TTC39B: variants seen among roughly 807,000 people sequenced by gnomAD.
The protein encoded by TTC39B is tetratricopeptide repeat domain 39B, also known as tetratricopeptide repeat protein 39B.
Under a neutral mutation model 96.6 loss-of-function variants are expected in TTC39B, and 92 were observed. The observed-to-expected ratio is 0.95, with a 90% CI of 0.80 to 1.13. TTC39B has a LOEUF of 1.13. Ranked by LOEUF, TTC39B falls within the 50% of genes most tolerant of loss-of-function variation. TTC39B has a pLI of 0.00. For missense variants in TTC39B, 955 were observed against 809.3 expected (o/e 1.18, Z -2.18); for synonymous variants, 367 against 299.4 (o/e 1.23, Z -2.33).
intron 19 of TTC39B, among the ~76,000 whole-genome samples, chr9:15,173,580 A>C (rs981211266): frequency 6.6e-6 from 1 of 152,256 alleles, no homozygotes; most frequent in Middle Eastern, 3.4e-3. Context: ...GCTTTCCTAG[A>C]TGTCTTCCTA....
chr9:15,199,205 G>A (rs190067568), intron 8 of TTC39B, among the ~76,000 whole-genome samples: 1 of 152,306 alleles, frequency 6.6e-6, no homozygotes, highest in African/African-American at 2.4e-5. Flanking sequence ...ATCTATTGCA[G>A]AAAGTTCTAC....
chr9:15,300,715 G>A lies in TTC39B; in HGVS notation c.240+6369C>T, dbSNP rs912393701. Among the ~76,000 whole-genome samples, 5 of 151,906 alleles carry A rather than the reference G, an allele frequency of 3.3e-5. No individual in the cohort carries two copies. The South Asian group carries it at 8.3e-4, about 25-fold the overall frequency. ...AGCCTGGCCAACATGGCGAAACCCCGTCTCTACTAAAAATACAAAAATTAG... is the reference window on the plus strand; with the variant it reads ...AGCCTGGCCAACATGGCGAAACCCCATCTCTACTAAAAATACAAAAATTAG... On this transcript the variant is annotated intron_variant, in intron 1 of 19. Transcript: ENST00000512701.
chr9:15,211,386 C>A, exon 5 of TTC39B: 1 of 1,554,938 alleles, frequency 6.4e-7, no homozygotes, highest in South Asian at 1.2e-5. Flanking sequence ...ATGGTACATA[C>A]TCTCCTTAGC....
intron 3 of TTC39B, among the ~76,000 whole-genome samples, chr9:15,220,583 C>T (rs1197208500): frequency 6.6e-6 from 1 of 151,732 alleles, no homozygotes; most frequent in African/African-American, 2.4e-5. Flanking sequence ...ATACATAATG[C>T]AATAAAAGGA....
At chr9:15,192,302 T>C (rs1818903263) in intron 9 of TTC39B, among the ~76,000 whole-genome samples, 1 of 152,234 alleles carries the variant, frequency 6.6e-6, no homozygotes, top group South Asian at 2.1e-4. Flanking sequence ...ACAATATTTC[T>C]GCTGTGGAAA....
chr9:15,207,550 C>T lies in TTC39B; in HGVS notation c.691+2538G>A, dbSNP rs148770044. Among the ~76,000 whole-genome samples, 342 of 152,226 alleles carry T rather than the reference C, an allele frequency of 2.2e-3. 1 individual carries two copies. Among genetic ancestry groups the T allele is most frequent in the African/African-American group, 7.7e-3 (319 of 41,534 alleles). On this transcript the variant is annotated intron_variant, in intron 6 of 19. Coordinates refer to ENST00000512701, the Ensembl canonical transcript of TTC39B. ...TAGGGAAAGGCAGATGATCAGTTAA[C>T]CCTACTCTGCTAGGTGGGGAATCCT...
At position 15,188,160 on chromosome 9, in the gene TTC39B, G is replaced by T. The variant is rs189729781; in HGVS notation, c.1234-28C>A. On this transcript the variant is annotated intron_variant, in intron 13 of 19. Transcript: ENST00000512701. The stretch of plus-strand genomic sequence containing the variant: ...GTAAATCAAGTACACAAAGTTGATC[G>T]TCCAGATATTAGACAAGGAGATAAT... 1.5e-3 allele frequency: 2,399 copies of T among 1,554,208 alleles called. 5 individuals are homozygous for T. Among genetic ancestry groups the T allele is most frequent in the Middle Eastern group, 5.5e-3 (32 of 5,798 alleles).
intron 2 of TTC39B, among the ~76,000 whole-genome samples, chr9:15,266,083 C>T (rs994129572): frequency 2.0e-5 from 3 of 152,014 alleles, no homozygotes; most frequent in Admixed American, 1.3e-4. Flanking sequence ...ATAATATATC[C>T]ATATTGATCA....
At chr9:15,174,031 A>G (rs1034526505) in intron 19 of TTC39B, among the ~76,000 whole-genome samples, 4 of 152,274 alleles carry the variant, frequency 2.6e-5, no homozygotes, top group African/African-American at 9.6e-5. Context: ...CTGATGACTG[A>G]TCTCAAGATT....
At chr9:15,219,367 A>T (rs140511631) in intron 3 of TTC39B, among the ~76,000 whole-genome samples, 1 of 152,344 alleles carries the variant, frequency 6.6e-6, no homozygotes, top group African/African-American at 2.4e-5. Context: ...GCACACATAC[A>T]TGGTGACCTG....
intron 4 of TTC39B, 121 bp from the exon 5 acceptor site, chr9:15,211,518 A>T: frequency 1.1e-6 from 1 of 900,622 alleles, no homozygotes; most frequent in Non-Finnish European, 1.5e-6. Flanking sequence ...ATAATCACTG[A>T]AATTATATGG....
rs1563765589 is a variant in TTC39B, at chr9:15,252,964, G to A, written c.275+14950C>T. ...GACAATGCAAAACAGTTATATAAAA[G>A]GAACTTTTCGAAAATTATAAATACC... On this transcript the variant is annotated intron_variant, in intron 2 of 19. Coordinates refer to ENST00000512701, the Ensembl canonical transcript of TTC39B. 7.2e-5 allele frequency among the ~76,000 whole-genome samples: 11 copies of A among 152,210 alleles called. No individual in the cohort carries two copies. The South Asian group carries it at 1.9e-3, about 26-fold the overall frequency.
chr9:15,208,313 A>T (rs542104968), intron 6 of TTC39B, among the ~76,000 whole-genome samples: 2 of 151,908 alleles, frequency 1.3e-5, no homozygotes, highest in African/African-American at 2.4e-5. Flanking sequence ...GTGAGCCACC[A>T]CACCCGGCCA....
chr9:15,227,377 G>A (rs1745970482), intron 2 of TTC39B, among the ~76,000 whole-genome samples: 1 of 150,834 alleles, frequency 6.6e-6, no homozygotes, highest in African/African-American at 2.4e-5. Flanking sequence ...TCCCCCATTG[G>A]AAGTTCAGAC....
At chr9:15,251,147 G>A (rs1446480030) in intron 2 of TTC39B, among the ~76,000 whole-genome samples, 1 of 152,112 alleles carries the variant, frequency 6.6e-6, no homozygotes, top group Non-Finnish European at 1.5e-5. Flanking sequence ...AGTGAGCCAA[G>A]ATTGCGCCAC....
exon 20 of TTC39B, chr9:15,169,159 T>A (rs1275281942): frequency 6.6e-6 from 1 of 152,224 alleles, no homozygotes; most frequent in Non-Finnish European, 1.5e-5. Context: ...TCCTCGGCAC[T>A]GATTAATCTG....
chr9:15,234,681 A>G (rs1182309141), intron 2 of TTC39B, among the ~76,000 whole-genome samples: 1 of 151,890 alleles, frequency 6.6e-6, no homozygotes. Context: ...TTTGTTCTGT[A>G]CTAAGAAAAA....
At chr9:15,246,670 T>C (rs540564515) in intron 2 of TTC39B, among the ~76,000 whole-genome samples, 3 of 152,254 alleles carry the variant, frequency 2.0e-5, no homozygotes, top group African/African-American at 7.2e-5. Flanking sequence ...CACATTGCTA[T>C]GCTGTGAGGA....
chr9:15,277,687 T>C (rs1267702034), intron 1 of TTC39B, among the ~76,000 whole-genome samples: 1 of 152,098 alleles, frequency 6.6e-6, no homozygotes, highest in Non-Finnish European at 1.5e-5. Flanking sequence ...ACAGATACCA[T>C]CCCTTATTCA....
Sources: gnomAD v4.1 joint callset for allele counts (sites outside exome capture counted in the v4.1 genomes callset) on GRCh38, gnomAD v4.1.1 for gene constraint, MANE v1.5 for transcripts, NCBI Gene and HGNC (gene_info 2026-07-23, HGNC 2026-07-21) for gene names.